Variants in STXBP4 observed in about 807,000 individuals in gnomAD.
STXBP4 encodes the protein syntaxin-binding protein 4.
A neutral mutation model predicts 76.1 loss-of-function variants in STXBP4; 55 were observed. The ratio of observed to expected loss-of-function variants is 0.72; its 90% confidence interval spans 0.58 to 0.91. STXBP4 has a LOEUF of 0.91. STXBP4 is among the 40% of genes least tolerant of loss of function. The probability of loss-of-function intolerance (pLI) is 0.00; values close to 1 mark genes in which losing one functional copy is unlikely to be tolerated. For missense variants in STXBP4, 618 were observed against 636.9 expected (o/e 0.97, Z 0.32); for synonymous variants, 201 against 220.2 (o/e 0.91, Z 0.77).
chr17:55,105,767 C>T (rs150487173), intron 16 of STXBP4, among the ~76,000 whole-genome samples: 1,961 of 152,050 alleles, frequency 0.013, 41 homozygotes, highest in South Asian at 0.045. Flanking sequence ...CATGAGCCAC[C>T]GCACCTGGCC....
rs1277707643 is a variant in STXBP4 at position 55,164,568 on chromosome 17, A to C, written c.*4657A>C. 1 of 146,562 alleles carries C rather than the reference A, an allele frequency of 6.8e-6. No homozygotes were observed. The highest frequency in any genetic ancestry group is 2.5e-5 in the African/African-American group (1 of 39,364). 9.1% of individuals were successfully genotyped at this position (146,562 alleles called of 1,614,324 possible). On this transcript the variant is annotated 3_prime_UTR_variant, in exon 18 of 18. Coordinates refer to ENST00000376352, the MANE Select transcript of STXBP4 (RefSeq NM_178509.6). Reference sequence around the variant, plus strand: ...CGGGTTCACGCCATTCTCCTGCCTCAGCCTCCCGAGTAGCTGGGACTACAG... The same window carrying C: ...CGGGTTCACGCCATTCTCCTGCCTCCGCCTCCCGAGTAGCTGGGACTACAG...
chr17:55,026,123 T>G (rs2078409033), intron 8 of STXBP4, among the ~76,000 whole-genome samples: 1 of 152,116 alleles, frequency 6.6e-6, no homozygotes, highest in Non-Finnish European at 1.5e-5. Context: ...AAGACCTAAA[T>G]AAATGGAAAG....
chr17:54,980,318 A>G (rs1372692069), intron 1 of STXBP4, among the ~76,000 whole-genome samples: 3 of 152,218 alleles, frequency 2.0e-5, no homozygotes, highest in Non-Finnish European at 4.4e-5. Context: ...ATAAAAAAAA[A>G]TAATACCTAG....
At chr17:55,077,633 T>C (rs963459493) in intron 13 of STXBP4, among the ~76,000 whole-genome samples, 1 of 151,820 alleles carries the variant, frequency 6.6e-6, no homozygotes, top group Admixed American at 6.6e-5. Flanking sequence ...TTGGCATCGC[T>C]GTTGCATGTC....
At chr17:55,008,305 G>C (rs532282560) in intron 8 of STXBP4, among the ~76,000 whole-genome samples, 2 of 151,928 alleles carry the variant, frequency 1.3e-5, no homozygotes, top group Admixed American at 1.3e-4. Context: ...TTACATTTTA[G>C]GAAGAGTATA....
downstream of STXBP4, among the ~76,000 whole-genome samples, chr17:55,174,032 T>C (rs2080419623): frequency 6.6e-6 from 1 of 152,204 alleles, no homozygotes; most frequent in African/African-American, 2.4e-5. Context: ...GTCATATCTC[T>C]CTCTCTGACC....
At chr17:55,077,507 G>C (rs1000948288) in intron 13 of STXBP4, among the ~76,000 whole-genome samples, 1 of 152,108 alleles carries the variant, frequency 6.6e-6, no homozygotes. Context: ...CACCCATTGA[G>C]TTTCTTCTGT....
At chr17:54,973,099 T>A (rs1169936293) in intron 1 of STXBP4, among the ~76,000 whole-genome samples, 2 of 152,190 alleles carry the variant, frequency 1.3e-5, no homozygotes, top group African/African-American at 2.4e-5. Flanking sequence ...GTTAGGAAGT[T>A]TGGTTCTAGA....
intron 12 of STXBP4, among the ~76,000 whole-genome samples, chr17:55,061,347 AT>A: frequency 6.6e-6 from 1 of 152,142 alleles, no homozygotes; most frequent in Non-Finnish European, 1.5e-5. Context: ...AAAGCCTCTA[AT>A]TTTCAGAATT....
chr17:55,193,831 A>AAC, the STXBP4 span, among the ~76,000 whole-genome samples: 1 of 151,422 alleles, frequency 6.6e-6, no homozygotes, highest in Non-Finnish European at 1.5e-5. Context: ...AAAAAAAAAA[A>AAC]AAACGTAATT....
At chr17:55,197,569 C>G in the STXBP4 span, among the ~76,000 whole-genome samples, 1 of 151,894 alleles carries the variant, frequency 6.6e-6, no homozygotes, top group African/African-American at 2.4e-5. Context: ...CGGTGAAATC[C>G]TGTTTCTACT....
downstream of STXBP4, among the ~76,000 whole-genome samples, chr17:55,177,299 C>T (rs1334828534): frequency 6.6e-6 from 1 of 152,162 alleles, no homozygotes; most frequent in Admixed American, 6.5e-5. Context: ...CTGGTCCCTT[C>T]TCTGGCTGTA....
chr17:55,212,925 C>G, the STXBP4 span, among the ~76,000 whole-genome samples: 15 of 152,254 alleles, frequency 9.9e-5, no homozygotes, highest in African/African-American at 3.6e-4. Flanking sequence ...CACCAACACA[C>G]GGAGGACACG....
intron 17 of STXBP4, among the ~76,000 whole-genome samples, chr17:55,141,694 G>A (rs866354083): frequency 1.7e-4 from 26 of 152,184 alleles, no homozygotes; most frequent in African/African-American, 5.3e-4. Flanking sequence ...AAAAAAATCC[G>A]TTTTGTATAT....
intron 7 of STXBP4, among the ~76,000 whole-genome samples, chr17:55,001,867 C>T (rs1192548889): frequency 1.3e-5 from 2 of 152,112 alleles, no homozygotes; most frequent in Non-Finnish European, 1.5e-5. Flanking sequence ...CTCCTGACCT[C>T]GTGATCTGCC....
chr17:55,019,649 G>A (rs944372678), intron 8 of STXBP4, among the ~76,000 whole-genome samples: 1 of 152,014 alleles, frequency 6.6e-6, no homozygotes, highest in Admixed American at 6.5e-5. Context: ...CATTTCTGAC[G>A]TTTTGGGTGG....
At chr17:55,083,546 C>T (rs2079284725) in intron 16 of STXBP4, among the ~76,000 whole-genome samples, 1 of 152,016 alleles carries the variant, frequency 6.6e-6, no homozygotes, top group Non-Finnish European at 1.5e-5. Context: ...TTAGTATTGT[C>T]TCTCATGGTC....
At chr17:55,000,227 C>A (rs1381561261) in intron 6 of STXBP4, 1 of 985,246 alleles carries the variant, frequency 1.0e-6, no homozygotes, top group African/African-American at 1.7e-5. Context: ...TTCTTTCCCA[C>A]ACAGTGAGGC....
At chr17:55,201,466 A>G in the STXBP4 span, among the ~76,000 whole-genome samples, 1 of 152,084 alleles carries the variant, frequency 6.6e-6, no homozygotes, top group African/African-American at 2.4e-5. Context: ...GGAAGCAAAA[A>G]GAGAAGAGCT....
Sources: gnomAD v4.1 joint callset for allele counts (sites outside exome capture counted in the v4.1 genomes callset) on GRCh38, gnomAD v4.1.1 for gene constraint, MANE v1.5 for transcripts, NCBI Gene and HGNC (gene_info 2026-07-23, HGNC 2026-07-21) for gene names.